The following R3HDM2 variants were observed in gnomAD, a reference collection of about 807,000 sequenced individuals.
The protein encoded by R3HDM2 is R3H domain-containing protein 2.
R3HDM2 carries 38 observed loss-of-function variants against 124.5 expected under a neutral mutation model. The ratio of observed to expected loss-of-function variants is 0.31; its 90% CI spans 0.24 to 0.40. R3HDM2 has a LOEUF of 0.40. R3HDM2 is among the 10% of genes least tolerant of loss of function. The probability of loss-of-function intolerance (pLI) is 1.00; values close to 1 mark genes in which losing one functional copy is unlikely to be tolerated. For missense variants in R3HDM2, 869 were observed against 1,236.9 expected, an observed-to-expected ratio of 0.70 and a Z score of 4.46; for synonymous variants, 391 against 448.0, an observed-to-expected ratio of 0.87 and a Z score of 1.61.
chr12:57,268,780 T>C (rs10783818), intron 17 of R3HDM2, 142 bp downstream of exon 17: 512,000 of 1,073,056 alleles, frequency 0.48, 125,211 homozygotes, highest in Admixed American at 0.56. Flanking sequence ...GGCTTTCCGT[T>C]ATAGGAAAAA....
intron 19 of R3HDM2, among the ~76,000 whole-genome samples, chr12:57,264,653 C>G (rs1411743472): frequency 6.8e-6 from 1 of 147,214 alleles, no homozygotes; most frequent in Non-Finnish European, 1.5e-5. Flanking sequence ...CAGGGTCTTG[C>G]TCTCCATGAT....
intron 2 of R3HDM2, among the ~76,000 whole-genome samples, chr12:57,334,082 A>G (rs1363432347): frequency 6.6e-6 from 1 of 152,212 alleles, no homozygotes; most frequent in East Asian, 1.9e-4. Context: ...ACATATATAA[A>G]AAAAACCTCC....
intron 17 of R3HDM2, 52 bp from the exon 18 acceptor site, chr12:57,268,509 A>G (rs1318853337): frequency 1.3e-6 from 2 of 1,576,424 alleles, no homozygotes; most frequent in Middle Eastern, 1.7e-4. Flanking sequence ...CATTGAGCTC[A>G]TGCAGAAACA....
intron 1 of R3HDM2, among the ~76,000 whole-genome samples, chr12:57,401,527 T>C (rs2068050680): frequency 6.6e-6 from 1 of 152,008 alleles, no homozygotes; most frequent in Non-Finnish European, 1.5e-5. Context: ...TGTGACAGAG[T>C]CTTGCTCAAA....
chr12:57,416,308 A>AAATGTGGCAAAATATTATCAATTGG (rs1361408358), intron 1 of R3HDM2, among the ~76,000 whole-genome samples: 1 of 152,176 alleles, frequency 6.6e-6, no homozygotes, highest in Non-Finnish European at 1.5e-5. Context: ...ACAAACATAC[A>AAATGTGGCAAAATATTATCAATTGG]AATGTGGCAA....
chr12:57,330,535 G>C (rs575620283), intron 2 of R3HDM2, among the ~76,000 whole-genome samples: 44 of 148,300 alleles, frequency 3.0e-4, no homozygotes, highest in South Asian at 2.6e-3. Flanking sequence ...AGTAGAGACG[G>C]GGTTTCACCA....
At position 57,310,346 on chromosome 12, in the gene R3HDM2, T is replaced by C; in HGVS notation, c.83A>G (p.Lys28Arg). Residue 28 changes from lysine to arginine, a missense_variant, in exon 3 of 24, where the codon AAA becomes AGA. Physicochemically the swap from Lys to Arg is conservative, Grantham distance 26. This residue lies in a region of R3HDM2 where 267 missense variants were observed against 447.7 expected (regional missense o/e 0.60). Coordinates refer to ENST00000402412, the MANE Select transcript of R3HDM2 (RefSeq NM_001394031.1). ...EKKLVEESVN[K>R]NKFISKTPSK... ...TGGAGTCTTAGATATAAACTTGTTT[T>C]TGTTTACAGATTCTTCCACCAGTTT... 1 of 1,549,998 alleles carries C rather than the reference T, an allele frequency of 6.5e-7. No homozygotes were observed. Among genetic ancestry groups the C allele is most frequent in the Non-Finnish European group, 8.7e-7 (1 of 1,146,048 alleles).
chr12:57,341,283 G>T, intron 2 of R3HDM2: 1 of 511,148 alleles, frequency 2.0e-6, no homozygotes, highest in Non-Finnish European at 2.5e-6. Context: ...ATTTTAAAAG[G>T]AAACAAACAA....
At chr12:57,295,682 T>TCTTCCTCC in intron 9 of R3HDM2, 175 bp from the exon 10 acceptor site, 2 of 576,536 alleles carry the variant, frequency 3.5e-6, no homozygotes, top group African/African-American at 1.9e-5. Flanking sequence ...GTCTGTACTT[T>TCTTCCTCC]ATACATCTAT....
chr12:57,268,799 A>C, intron 17 of R3HDM2, 123 bp downstream of exon 17: 1 of 1,294,420 alleles, frequency 7.7e-7, no homozygotes, highest in Non-Finnish European at 1.1e-6. Context: ...AAAACCTAAA[A>C]ATTCTAGGGG....
At chr12:57,377,694 G>A (rs890880571) in intron 2 of R3HDM2, among the ~76,000 whole-genome samples, 1 of 152,064 alleles carries the variant, frequency 6.6e-6, no homozygotes, top group African/African-American at 2.4e-5. Flanking sequence ...GATAACATTA[G>A]GACCATGCCT....
chr12:57,307,328 T>C (rs1029475359), intron 3 of R3HDM2, among the ~76,000 whole-genome samples: 2 of 152,044 alleles, frequency 1.3e-5, no homozygotes, highest in Admixed American at 1.3e-4. Context: ...TTGTTTTGTT[T>C]TGTTTTTTGA....
intron 2 of R3HDM2, among the ~76,000 whole-genome samples, chr12:57,388,031 A>C (rs2066117808): frequency 6.6e-6 from 1 of 151,918 alleles, no homozygotes; most frequent in Non-Finnish European, 1.5e-5. Flanking sequence ...ATGGCGGGAT[A>C]TCAGCTCACT....
At chr12:57,268,655 C>T in intron 17 of R3HDM2, 198 bp from the exon 18 acceptor site, 1 of 704,638 alleles carries the variant, frequency 1.4e-6, no homozygotes, top group East Asian at 2.7e-5. Context: ...CACCCTTGGG[C>T]ATCTGACATA....
chr12:57,266,922 T>TA, intron 18 of R3HDM2, 91 bp from the exon 19 acceptor site: 1 of 948,640 alleles, frequency 1.1e-6, no homozygotes, highest in Non-Finnish European at 1.6e-6. Context: ...TCCTCCCCTA[T>TA]GGGAAGGAGA....
chr12:57,351,775 G>T (rs893412665), intron 2 of R3HDM2, among the ~76,000 whole-genome samples: 3 of 152,036 alleles, frequency 2.0e-5, no homozygotes, highest in African/African-American at 7.2e-5. Context: ...CACAGAGTAG[G>T]AACTTAATAA....
chr12:57,368,483 T>C (rs1219091976), intron 2 of R3HDM2, among the ~76,000 whole-genome samples: 1 of 152,178 alleles, frequency 6.6e-6, no homozygotes, highest in Non-Finnish European at 1.5e-5. Flanking sequence ...ACCAATATGA[T>C]TTATGGTAGG....
chr12:57,315,574 G>T (rs1354390782), intron 2 of R3HDM2, among the ~76,000 whole-genome samples: 2 of 152,188 alleles, frequency 1.3e-5, no homozygotes, highest in Non-Finnish European at 2.9e-5. Context: ...TCCTTCACAT[G>T]TGGGTCAGGA....
intron 18 of R3HDM2, 78 bp downstream of exon 18, chr12:57,268,225 G>C (rs2042888810): frequency 1.3e-6 from 2 of 1,516,726 alleles, no homozygotes; most frequent in Non-Finnish European, 1.8e-6. Flanking sequence ...TCTTAGGCCA[G>C]TGGAAACAAA....
Sources: allele counts gnomAD v4.1 joint callset (sites outside exome capture counted in the v4.1 genomes callset), GRCh38; gene constraint gnomAD v4.1.1; regional missense constraint gnomAD v4.1.1; transcripts MANE v1.5; gene names NCBI Gene and HGNC (gene_info 2026-07-23, HGNC 2026-07-21).